The following FANCA variants were observed in gnomAD, a reference collection of about 807,000 sequenced individuals.
FANCA encodes the protein Fanconi anemia group A protein.
FANCA carries 236 observed loss-of-function variants against 194.3 expected under a neutral mutation model. That is an observed-to-expected ratio of 1.21 (90% CI 1.09 to 1.35). FANCA has a LOEUF of 1.35. Among genes scored for constraint, FANCA ranks in the 40% most tolerant of loss-of-function variants. The pLI, the probability that FANCA is intolerant of heterozygous loss-of-function variation, is 0.00. For missense variants in FANCA, 2,628 were observed against 1,813.9 expected (o/e 1.45, Z -8.15); for synonymous variants, 1,014 against 715.8 (o/e 1.42, Z -6.65).
At chr16:89,815,218 G>GT (rs1159257696) in intron 2 of FANCA, among the ~76,000 whole-genome samples, 5 of 151,288 alleles carry the variant, frequency 3.3e-5, no homozygotes, top group Admixed American at 6.6e-5. Context: ...TGTATTTTAA[G>GT]TAGTGACGGG....
intron 2 of FANCA, 64 bp downstream of exon 2, chr16:89,815,813 G>C (rs2041090636): frequency 4.0e-6 from 5 of 1,247,276 alleles, no homozygotes; most frequent in Non-Finnish European, 2.4e-6. Flanking sequence ...AAAGCTGTGC[G>C]GTGGCTGGAC....
rs558510152 is a variant in FANCA at position 89,815,775 on chromosome 16, C to A, written c.189+102G>T. ...CTCCCCTCTGCGGGCCAGGCCACCG[C>A]GCCCGCCGCCTCGGGTGTTTTCTTA... On this transcript the variant is annotated intron_variant, in intron 2 of 42. Transcript: ENST00000389301. The A allele has an allele frequency of 3.1e-4, 310 of 984,536 alleles. 3 individuals are homozygous for A. The East Asian group carries it at 7.3e-3, about 23-fold the overall frequency. The allele number at this position is 984,536 out of a possible 1,614,324, so 61.0% of individuals were successfully genotyped here.
chr16:89,739,040 A>C, intron 41 of FANCA, 66 bp from the exon 42 acceptor site: 2 of 1,614,024 alleles, frequency 1.2e-6, no homozygotes, highest in Non-Finnish European at 1.7e-6. Flanking sequence ...TGTGTCCCCC[A>C]TAGTCTGCAT....
Position 89,739,468 on chromosome 16 carries a change from G to A in FANCA, c.4010+10C>T, listed in dbSNP as rs1317200201. 6.4e-7 allele frequency: 1 copy of A among 1,551,674 alleles called. No individual in the cohort carries two copies. Among genetic ancestry groups the A allele is most frequent in the Non-Finnish European group, 8.7e-7 (1 of 1,147,614 alleles). On this transcript the variant is annotated intron_variant, in intron 40 of 42. Transcript: ENST00000389301. ...TGCCCAGCCCTGACCAGCCCTGTGG[G>A]TGGAGGTACCTGTAAAAAGCGAAAG...
intron 20 of FANCA, 47 bp from the exon 21 acceptor site, chr16:89,775,862 TAATTC>T (rs776400610): frequency 8.2e-7 from 1 of 1,222,570 alleles, no homozygotes; most frequent in South Asian, 1.3e-5. Flanking sequence ...TGGCTTAAAT[TAATTC>T]AAGATTACAA....
Position 89,785,076 on chromosome 16 carries a change from G to A in FANCA, c.1360-112C>T. The A allele has an allele frequency of 7.9e-6, 6 of 758,836 alleles. No individual in the cohort carries two copies. The South Asian group carries it at 8.6e-5, about 11-fold the overall frequency. 47.0% of individuals were successfully genotyped at this position (758,836 alleles called of 1,614,324 possible). ...AAGCCCAGGACAGCCAGGCGCAGCT[G>A]CACCACCTAGGCAGTGTCCTGTGTG... On this transcript the variant is annotated intron_variant, in intron 14 of 42. Transcript: ENST00000389301.
intron 6 of FANCA, among the ~76,000 whole-genome samples, chr16:89,808,039 C>A (rs1447076403): frequency 6.7e-6 from 1 of 149,854 alleles, no homozygotes; most frequent in African/African-American, 2.5e-5. Context: ...ACCTGGGCCA[C>A]AGAGCGAGAC....
At chr16:89,796,341 G>C (rs1396094880) in intron 10 of FANCA, among the ~76,000 whole-genome samples, 1 of 152,190 alleles carries the variant, frequency 6.6e-6, no homozygotes, top group South Asian at 2.1e-4. Flanking sequence ...GCCGCACCCG[G>C]GAGTGGAGCC....
intron 3 of FANCA, among the ~76,000 whole-genome samples, chr16:89,813,833 T>A (rs1020515954): frequency 3.3e-5 from 5 of 151,412 alleles, no homozygotes; most frequent in African/African-American, 1.2e-4. Context: ...TGTGTGTGTG[T>A]CCGTGTGCAC....
chr16:89,807,488 G>A (rs2040700913), intron 6 of FANCA, among the ~76,000 whole-genome samples: 1 of 151,902 alleles, frequency 6.6e-6, no homozygotes, highest in Admixed American at 6.6e-5. Flanking sequence ...GGTGGCTCAT[G>A]CCTGTAATCC....
intron 22 of FANCA, 58 bp downstream of exon 22, chr16:89,773,213 G>A (rs2039383565): frequency 7.4e-7 from 1 of 1,357,880 alleles, no homozygotes; most frequent in South Asian, 1.2e-5. Context: ...CCCAGCCACA[G>A]AGCTCCAACC....
intron 36 of FANCA, among the ~76,000 whole-genome samples, chr16:89,744,258 G>A (rs1271934288): frequency 6.6e-6 from 1 of 152,200 alleles, no homozygotes; most frequent in Non-Finnish European, 1.5e-5. Flanking sequence ...TGTGGCATCA[G>A]TGATTCAAAA....
rs17233833 is a variant in FANCA, at chr16:89,737,922, A to C, written c.*679T>G. The C allele has an allele frequency of 0.013, 20,390 of 1,556,076 alleles. 472 individuals carry two copies. The highest frequency in any genetic ancestry group is 0.083 in the South Asian group (7,426 of 89,478). On this transcript the variant is annotated 3_prime_UTR_variant, in exon 43 of 43. Coordinates refer to ENST00000389301, the MANE Select transcript of FANCA (RefSeq NM_000135.4). ...GCCTTTGCAGTAAGTGTGAGTCAGGACCCCCTCCCAGGGCTGTGGCCCTCG... is the reference window on the plus strand; with the variant it reads ...GCCTTTGCAGTAAGTGTGAGTCAGGCCCCCCTCCCAGGGCTGTGGCCCTCG...
chr16:89,797,135 G>T (rs555780484), intron 10 of FANCA, among the ~76,000 whole-genome samples: 1 of 152,192 alleles, frequency 6.6e-6, no homozygotes, highest in East Asian at 1.9e-4. Context: ...ACTCCAGCAT[G>T]GGCGACAGAG....
chr16:89,807,378 C>A (rs528291391), intron 6 of FANCA, among the ~76,000 whole-genome samples: 2 of 151,140 alleles, frequency 1.3e-5, no homozygotes, highest in African/African-American at 4.9e-5. Context: ...TGCTTGAATC[C>A]GGGAAGCGGA....
At chr16:89,749,219 G>C (rs917751083) in intron 32 of FANCA, among the ~76,000 whole-genome samples, 20 of 134,754 alleles carry the variant, frequency 1.5e-4, no homozygotes, top group African/African-American at 4.7e-4. Flanking sequence ...GGAAGGTTTT[G>C]TTGTTGTTGT....
rs2040095431 is a variant in FANCA at position 89,792,087 on chromosome 16, C to T, written c.1084-19G>A. 3.7e-6 allele frequency: 6 copies of T among 1,614,172 alleles called. No individual in the cohort carries two copies. Among genetic ancestry groups the T allele is most frequent in the Non-Finnish European group, 5.1e-6 (6 of 1,180,018 alleles). ...CAAAGAGCTGAAATAAAAGCATCCGCTCCCTTCAATATCCAAGCAAACCAA... is the reference window on the plus strand; with the variant it reads ...CAAAGAGCTGAAATAAAAGCATCCGTTCCCTTCAATATCCAAGCAAACCAA... On this transcript the variant is annotated intron_variant, in intron 12 of 42. Coordinates refer to ENST00000389301, the MANE Select transcript of FANCA (RefSeq NM_000135.4).
intron 10 of FANCA, among the ~76,000 whole-genome samples, chr16:89,797,245 C>T (rs1034350471): frequency 4.6e-5 from 7 of 151,906 alleles, no homozygotes; most frequent in East Asian, 1.9e-4. Flanking sequence ...GCAGGAGAAT[C>T]GCTTGAACCC....
intron 21 of FANCA, among the ~76,000 whole-genome samples, chr16:89,775,260 T>G (rs925053729): frequency 6.6e-6 from 1 of 152,120 alleles, no homozygotes; most frequent in African/African-American, 2.4e-5. Context: ...TTTCACGGAT[T>G]CCCAATGAGG....
Sources: allele counts gnomAD v4.1 joint callset (sites outside exome capture counted in the v4.1 genomes callset), GRCh38; gene constraint gnomAD v4.1.1; transcripts MANE v1.5; gene names NCBI Gene and HGNC (gene_info 2026-07-23, HGNC 2026-07-21).